The following GRHL3 variants were observed in gnomAD, a reference collection of about 807,000 sequenced individuals.
GRHL3 encodes grainyhead like transcription factor 3.
Under a neutral mutation model 70.3 loss-of-function variants are expected in GRHL3, and 20 were observed. That is an observed-to-expected ratio of 0.28 (90% CI 0.20 to 0.41). GRHL3 has a LOEUF of 0.41. Among genes scored for constraint, GRHL3 ranks in the 10% least tolerant of loss-of-function variants. The pLI, the probability that GRHL3 is intolerant of heterozygous loss-of-function variation, is 1.00. For synonymous variants in GRHL3, 299 were observed against 299.9 expected (o/e 1.00, Z 0.03); for missense variants, 637 against 762.3 (o/e 0.84, Z 1.94).
rs200674358 is a variant in GRHL3, at chr1:24,336,786, C to T, written c.571C>T (p.Arg191Cys). The T allele has an allele frequency of 5.3e-5, 85 of 1,611,408 alleles. No individual in the cohort carries two copies. In the East Asian group the frequency reaches 1.3e-3, roughly 25 times the overall value. ...CATTCATGGGGTGCCGCCCACACAG[C>T]GCTGGCAGCCAGACAGCACCTTCAA... ...ESIHGVPPTQ[R>C]WQPDSTFKDD... The change falls in exon 4 of 16, where the codon CGC becomes TGC. Residue 191 changes from arginine to cysteine, a missense_variant. Arg to Cys is a radical substitution (Grantham distance 180). Coordinates refer to ENST00000361548, the MANE Select transcript of GRHL3 (RefSeq NM_198173.3).
rs776080546 is a variant in GRHL3 at position 24,331,655 on chromosome 1, G to A, written c.204+43G>A. The A allele has an allele frequency of 9.6e-6, 15 of 1,556,124 alleles. 1 individual carries two copies. Among genetic ancestry groups the A allele is most frequent in the South Asian group, 4.8e-5 (4 of 83,432 alleles). On this transcript the variant is annotated intron_variant, in intron 2 of 15. Coordinates refer to ENST00000361548, the MANE Select transcript of GRHL3 (RefSeq NM_198173.3). ...GGACATGCCCCGTTTTGACTGAATG[G>A]GTGTCTTCACTTCAGGCCTCATGGC... is the stretch of plus-strand genomic sequence containing the variant.
At chr1:24,337,566 G>A (rs1639870684) in intron 5 of GRHL3, 70 bp from the exon 6 acceptor site, 1 of 1,512,614 alleles carries the variant, frequency 6.6e-7, no homozygotes, top group Non-Finnish European at 9.1e-7. Flanking sequence ...CAGGCTTCCT[G>A]CCCCACTGCC....
exon 16 of GRHL3, chr1:24,364,322 C>T: frequency 6.5e-7 from 1 of 1,549,538 alleles, no homozygotes; most frequent in Non-Finnish European, 8.7e-7. Flanking sequence ...GATTCAAATC[C>T]CAGCCCCACC....
intron 1 of GRHL3, chr1:24,319,922 C>A: frequency 2.7e-6 from 1 of 367,640 alleles, no homozygotes; most frequent in Non-Finnish European, 5.1e-6. Context: ...TATCTTCTTG[C>A]CAAAAGGAAC....
intron 1 of GRHL3, among the ~76,000 whole-genome samples, chr1:24,323,507 A>G (rs999161380): frequency 1.3e-5 from 2 of 152,240 alleles, no homozygotes; most frequent in Non-Finnish European, 2.9e-5. Flanking sequence ...CTGAGAGCTT[A>G]GTTCCAAGAT....
intron 1 of GRHL3, chr1:24,323,047 G>A (rs990646419): frequency 6.5e-7 from 1 of 1,547,648 alleles, no homozygotes; most frequent in South Asian, 1.2e-5. Context: ...CAGAGGAGAT[G>A]TGCCAAACTG....
chr1:24,328,958 C>T (rs906230565), intron 1 of GRHL3, among the ~76,000 whole-genome samples: 2 of 152,100 alleles, frequency 1.3e-5, no homozygotes, highest in Non-Finnish European at 2.9e-5. Flanking sequence ...TGGGAGTTTC[C>T]ATTAGCTCCG....
intron 15 of GRHL3, chr1:24,364,103 G>T (rs1398524647): frequency 9.0e-6 from 13 of 1,449,722 alleles, no homozygotes; most frequent in Non-Finnish European, 1.2e-5. Flanking sequence ...CCATGCCTTT[G>T]TCCCTGCTGT....
At chr1:24,346,450 T>C in intron 12 of GRHL3, 103 bp from the exon 13 acceptor site, 2 of 716,802 alleles carry the variant, frequency 2.8e-6, no homozygotes, top group Middle Eastern at 2.4e-4. Context: ...TCCACCCTTG[T>C]GTTTTCTTCC....
downstream of GRHL3, chr1:24,358,443 G>C: frequency 9.8e-7 from 1 of 1,019,998 alleles, no homozygotes; most frequent in South Asian, 1.3e-5. Context: ...CAAGTTGTCA[G>C]CTGCCACACT....
At chr1:24,350,233 C>A in intron 15 of GRHL3, 111 bp downstream of exon 15, 1 of 798,668 alleles carries the variant, frequency 1.3e-6, no homozygotes, top group Non-Finnish European at 2.0e-6. Flanking sequence ...GAGAGCTCCC[C>A]AGCCAGGCCA....
intron 1 of GRHL3, among the ~76,000 whole-genome samples, chr1:24,320,098 C>T (rs945136057): frequency 2.0e-5 from 3 of 152,166 alleles, no homozygotes; most frequent in African/African-American, 7.2e-5. Flanking sequence ...CAGGCTCTGT[C>T]CCTGGGTGAT....
Position 24,342,056 on chromosome 1 carries a change from G to A in GRHL3, c.1048-59G>A, listed in dbSNP as rs1040039610. On this transcript the variant is annotated intron_variant, in intron 8 of 15. Coordinates refer to ENST00000361548, the MANE Select transcript of GRHL3 (RefSeq NM_198173.3). This position sits in a 1 kb window ranked among gnomAD's most constrained non-coding sequence, Gnocchi z 4.8. ...AAGCTAGAAATACAGGATCACTGTGGGACGGTGGGGCTGGCCACCTGGGCA... is the reference window on the plus strand; with the variant it reads ...AAGCTAGAAATACAGGATCACTGTGAGACGGTGGGGCTGGCCACCTGGGCA... The A allele has an allele frequency of 6.8e-7, 1 of 1,470,476 alleles. No individual in the cohort carries two copies. The highest frequency in any genetic ancestry group is 9.2e-7 in the Non-Finnish European group (1 of 1,089,316). 91.1% of individuals were successfully genotyped at this position (1,470,476 alleles called of 1,614,324 possible).
chr1:24,347,046 G>A (rs1380167991), intron 13 of GRHL3, among the ~76,000 whole-genome samples: 3 of 152,240 alleles, frequency 2.0e-5, no homozygotes, highest in Non-Finnish European at 4.4e-5. Context: ...TCTGGGGGCT[G>A]TAGCTGGCCA....
chr1:24,345,334 C>G (rs1640236552), intron 12 of GRHL3, among the ~76,000 whole-genome samples: 1 of 145,382 alleles, frequency 6.9e-6, no homozygotes, highest in Non-Finnish European at 1.5e-5. Context: ...GCCCTCTGTA[C>G]CATGCCCACT....
At position 24,322,261 on chromosome 1, in the gene GRHL3, C is replaced by G. The variant is rs2148643759; in HGVS notation, c.17+2693C>G. ...ACCGCTGCCGCCTGGAGTCTCCCCT[C>G]AGCCTCGCAGAGACGCGACTCGGTT... is the stretch of plus-strand genomic sequence containing the variant. On this transcript the variant is annotated intron_variant, in intron 1 of 15. Coordinates refer to ENST00000361548, the MANE Select transcript of GRHL3 (RefSeq NM_198173.3). This position sits in a 1 kb window ranked among gnomAD's most constrained non-coding sequence, Gnocchi z 4.4. Among the ~76,000 whole-genome samples the G allele has an allele frequency of 1.3e-5, 2 of 152,306 alleles. No homozygotes were observed. The highest frequency in any genetic ancestry group is 6.8e-3 in the Middle Eastern group (2 of 294).
chr1:24,341,429 A>G (rs11577291), intron 8 of GRHL3, among the ~76,000 whole-genome samples: 41,710 of 152,116 alleles, frequency 0.27, 6,480 homozygotes, highest in East Asian at 0.46. Context: ...CCTGCAGCAG[A>G]TGTGGGCGGC....
intron 13 of GRHL3, 28 bp from the exon 14 acceptor site, chr1:24,347,440 T>C (rs1252196917): frequency 6.3e-7 from 1 of 1,578,542 alleles, no homozygotes. Context: ...TTATCTTCCT[T>C]GCACTCAAGC....
chr1:24,353,228 C>G (rs1419350374), intron 15 of GRHL3, among the ~76,000 whole-genome samples: 1 of 152,170 alleles, frequency 6.6e-6, no homozygotes, highest in African/African-American at 2.4e-5. Flanking sequence ...AGGATTCATC[C>G]TCCCAGTCCC....
Sources: gnomAD v4.1 joint callset for allele counts (sites outside exome capture counted in the v4.1 genomes callset) on GRCh38, gnomAD v4.1.1 for gene constraint, Gnocchi (gnomAD v3.1) non-coding constraint, MANE v1.5 for transcripts, NCBI Gene and HGNC (gene_info 2026-07-23, HGNC 2026-07-21) for gene names.